Variants in ANKS1B observed in about 807,000 individuals in gnomAD.
ANKS1B encodes the protein ankyrin repeat and sterile alpha motif domain containing 1B, also known as ankyrin repeat and sterile alpha motif domain-containing protein 1B.
Under a neutral mutation model 148.3 loss-of-function variants are expected in ANKS1B, and 36 were observed. That is an observed-to-expected ratio of 0.24 (90% CI 0.19 to 0.32). The LOEUF (loss-of-function observed/expected upper bound fraction) is 0.32, where lower values mean the gene tolerates loss of function less well. Among genes scored for constraint, ANKS1B ranks in the 10% least tolerant of loss-of-function variants. ANKS1B has a pLI of 1.00. For missense variants in ANKS1B, 1,157 were observed against 1,542.6 expected (o/e 0.75, Z 4.19); for synonymous variants, 542 against 560.8 (o/e 0.97, Z 0.47).
intron 17 of ANKS1B, among the ~76,000 whole-genome samples, chr12:98,894,143 G>C (rs2099758483): frequency 6.6e-6 from 1 of 152,186 alleles, no homozygotes; most frequent in African/African-American, 2.4e-5. Context: ...CGAGGGAAGA[G>C]AGAGGGAGCA....
At chr12:99,402,682 G>T (rs2094436217) in intron 11 of ANKS1B, among the ~76,000 whole-genome samples, 2 of 145,896 alleles carry the variant, frequency 1.4e-5, no homozygotes, top group Non-Finnish European at 3.0e-5. Context: ...AGTATTCCGT[G>T]GTGTATATAT....
At chr12:99,393,156 T>C (rs1050144380) in intron 12 of ANKS1B, among the ~76,000 whole-genome samples, 2 of 148,970 alleles carry the variant, frequency 1.3e-5, no homozygotes, top group African/African-American at 5.1e-5. Context: ...TTAACATAGA[T>C]CCAGAATTCT....
intron 8 of ANKS1B, among the ~76,000 whole-genome samples, chr12:99,695,979 C>G (rs1278075516): frequency 6.6e-6 from 1 of 152,140 alleles, no homozygotes; most frequent in African/African-American, 2.4e-5. Flanking sequence ...TAAAAACTAC[C>G]TACTGGGCAC....
At chr12:99,871,928 C>G (rs1225087344) in intron 1 of ANKS1B, among the ~76,000 whole-genome samples, 2 of 151,982 alleles carry the variant, frequency 1.3e-5, no homozygotes, top group Non-Finnish European at 2.9e-5. Flanking sequence ...ACTGTTCTAA[C>G]TAGGACTTCA....
At chr12:99,319,761 T>G (rs1295283609) in intron 12 of ANKS1B, among the ~76,000 whole-genome samples, 2 of 152,222 alleles carry the variant, frequency 1.3e-5, no homozygotes, top group East Asian at 3.8e-4. Flanking sequence ...GTTTGTTTGT[T>G]AGTTGATGCA....
At chr12:99,165,540 T>C (rs540768083) in intron 14 of ANKS1B, among the ~76,000 whole-genome samples, 13 of 151,890 alleles carry the variant, frequency 8.6e-5, no homozygotes, top group Non-Finnish European at 1.8e-4. Flanking sequence ...GACAAATTCA[T>C]TAAGAGAAGC....
At chr12:99,492,458 A>G (rs373183583) in intron 10 of ANKS1B, among the ~76,000 whole-genome samples, 6 of 152,160 alleles carry the variant, frequency 3.9e-5, no homozygotes, top group East Asian at 3.9e-4. Context: ...TTCACAGCCA[A>G]TTTCTACCCA....
intron 1 of ANKS1B, among the ~76,000 whole-genome samples, chr12:99,954,026 A>G (rs531127292): frequency 4.6e-5 from 7 of 152,346 alleles, no homozygotes; most frequent in Non-Finnish European, 1.5e-5. Context: ...AAAAGTCTAG[A>G]TAAAGCTATT....
At chr12:99,696,184 C>T (rs545987907) in intron 8 of ANKS1B, among the ~76,000 whole-genome samples, 4 of 152,126 alleles carry the variant, frequency 2.6e-5, no homozygotes, top group African/African-American at 4.8e-5. Context: ...ATATATGGTT[C>T]GTTGTTCATC....
intron 8 of ANKS1B, among the ~76,000 whole-genome samples, chr12:99,752,501 C>A (rs2061200902): frequency 6.6e-6 from 1 of 151,696 alleles, no homozygotes; most frequent in Non-Finnish European, 1.5e-5. Context: ...AGTGGATGAA[C>A]TAAAGCAATG....
intron 8 of ANKS1B, among the ~76,000 whole-genome samples, chr12:99,757,755 C>A (rs540329865): frequency 6.6e-6 from 1 of 152,026 alleles, no homozygotes; most frequent in South Asian, 2.1e-4. Flanking sequence ...GAATACTATG[C>A]CACCATAAAA....
At chr12:99,188,811 A>T (rs1193531963) in intron 14 of ANKS1B, among the ~76,000 whole-genome samples, 1 of 152,062 alleles carries the variant, frequency 6.6e-6, no homozygotes, top group African/African-American at 2.4e-5. Flanking sequence ...CAAACAAATT[A>T]AAAAGGTAGC....
At chr12:99,793,786 A>T (rs1037054164) in intron 4 of ANKS1B, among the ~76,000 whole-genome samples, 3 of 152,090 alleles carry the variant, frequency 2.0e-5, no homozygotes, top group Admixed American at 2.0e-4. Flanking sequence ...GTAATACCCC[A>T]CAAGTACAAA....
At chr12:99,891,023 T>G (rs2093074297) in intron 1 of ANKS1B, among the ~76,000 whole-genome samples, 1 of 152,212 alleles carries the variant, frequency 6.6e-6, no homozygotes. Flanking sequence ...ACATTACACT[T>G]AAGTGGAATC....
intron 17 of ANKS1B, among the ~76,000 whole-genome samples, chr12:98,840,523 T>G (rs1332663964): frequency 1.3e-5 from 2 of 152,170 alleles, no homozygotes; most frequent in Non-Finnish European, 2.9e-5. Flanking sequence ...TTTCTGAATG[T>G]AGTCTGTCTC....
intron 1 of ANKS1B, among the ~76,000 whole-genome samples, chr12:99,850,316 T>TCTCTCTCTCTCTCTCA (rs1237323146): frequency 1.3e-5 from 2 of 151,232 alleles, no homozygotes; most frequent in Non-Finnish European, 2.9e-5. Context: ...TCTCTCTCTC[T>TCTCTCTCTCTCTCTCA]CTCACCTACT....
intron 10 of ANKS1B, among the ~76,000 whole-genome samples, chr12:99,474,890 GA>G (rs575709785): frequency 9.9e-4 from 151 of 152,032 alleles, no homozygotes; most frequent in African/African-American, 3.5e-3. Context: ...GGAAAAGAGT[GA>G]AAATATTTAT....
chr12:99,530,701 T>G (rs7305318), intron 9 of ANKS1B, among the ~76,000 whole-genome samples: 2 of 152,168 alleles, frequency 1.3e-5, no homozygotes, highest in East Asian at 3.9e-4. Flanking sequence ...CAGAGGTTAG[T>G]ATCTGTATGG....
intron 8 of ANKS1B, among the ~76,000 whole-genome samples, chr12:99,714,830 A>AAACTAC (rs2057089917): frequency 6.6e-6 from 1 of 151,994 alleles, no homozygotes; most frequent in African/African-American, 2.4e-5. Context: ...TTTAAATCAA[A>AAACTAC]AACTACAGGC....
Sources: allele counts gnomAD v4.1 joint callset (sites outside exome capture counted in the v4.1 genomes callset), GRCh38; gene constraint gnomAD v4.1.1; transcripts MANE v1.5; gene names NCBI Gene and HGNC (gene_info 2026-07-23, HGNC 2026-07-21).